Variants in TACC2 observed in about 807,000 individuals in gnomAD.
TACC2 encodes transforming acidic coiled-coil containing protein 2.
Under a neutral mutation model 227.3 loss-of-function variants are expected in TACC2, and 137 were observed. The observed-to-expected ratio is 0.60, with a 90% CI of 0.52 to 0.69. TACC2 has a LOEUF of 0.69. Among genes scored for constraint, TACC2 ranks in the 30% least tolerant of loss-of-function variants. The pLI is 0.00. For missense variants in TACC2, 3,470 were observed against 3,694.4 expected (o/e 0.94, Z 1.57); for synonymous variants, 1,523 against 1,487.5 (o/e 1.02, Z -0.55).
In TACC2 at chr10:122,205,755, T is replaced by A. The variant is rs1279462239; in HGVS notation, c.5972-4642T>A. Among the ~76,000 whole-genome samples the A allele has an allele frequency of 6.6e-6, 1 of 152,258 alleles. No homozygotes were observed. The highest frequency in any genetic ancestry group is 1.9e-4 in the East Asian group (1 of 5,170). ...GCGGAGTCTGGGGTTTTAATGAGTG[T>A]CTCAGGTGTGTCTTAGGCTAGACAA... On this transcript the variant is annotated intron_variant, in intron 8 of 22. Coordinates refer to ENST00000369005, the MANE Select transcript of TACC2 (RefSeq NM_206862.4). This position sits in a 1 kb window ranked among gnomAD's most constrained non-coding sequence, Gnocchi z 4.5.
At chr10:122,238,082 C>CCT in intron 18 of TACC2, 45 bp downstream of exon 18, 1 of 1,512,526 alleles carries the variant, frequency 6.6e-7, no homozygotes, top group Non-Finnish European at 9.2e-7. Context: ...GGGATACTTA[C>CCT]CTGTGGTTTA....
At chr10:122,099,071 C>T (rs969791183) in intron 5 of TACC2, among the ~76,000 whole-genome samples, 1 of 152,154 alleles carries the variant, frequency 6.6e-6, no homozygotes, top group African/African-American at 2.4e-5. Flanking sequence ...CTGAGCACAT[C>T]TCATGGGACA....
intron 1 of TACC2, among the ~76,000 whole-genome samples, chr10:121,989,752 TTA>T (rs1491418730): frequency 0.014 from 1,566 of 109,748 alleles, 29 homozygotes; most frequent in African/African-American, 0.04. Flanking sequence ...TAAATTAATT[TTA>T]TTTTTTTTTT....
chr10:122,162,723 G>A (rs909573827), intron 7 of TACC2, among the ~76,000 whole-genome samples: 13 of 152,206 alleles, frequency 8.5e-5, no homozygotes, highest in African/African-American at 3.1e-4. Flanking sequence ...CATGCTGCCA[G>A]CTACAGAATG....
At position 122,248,741 on chromosome 10, in the gene TACC2, T is replaced by C; in HGVS notation, c.8491T>C (p.Ser2831Pro). 1.2e-6 allele frequency: 2 copies of C among 1,614,024 alleles called. No homozygotes were observed. Among genetic ancestry groups the C allele is most frequent in the Non-Finnish European group, 1.7e-6 (2 of 1,180,024 alleles). Residue 2831 changes from serine (S) to proline (P), a missense_variant, in exon 20 of 23, where the codon TCT becomes CCT. Coordinates refer to ENST00000369005, the MANE Select transcript of TACC2 (RefSeq NM_206862.4). ...GGCCGACCTGAACTCCGTGGAGAAG[T>C]CTCTGGCCGACCTCTTCAGAAGATA... Reference protein sequence around the residue: ...ALADLNSVEKSLADLFRRYEK... With the variant: ...ALADLNSVEKPLADLFRRYEK...
In TACC2 at chr10:122,205,835, A is replaced by C. The variant is rs1304432630; in HGVS notation, c.5972-4562A>C. ...TTGCTCTGAGCTACCCACAGCAACC[A>C]GCAAACTGCCACAGAAAGACCAAGT... On this transcript the variant is annotated intron_variant, in intron 8 of 22. Transcript: ENST00000369005. This position sits in a 1 kb window ranked among gnomAD's most constrained non-coding sequence, Gnocchi z 4.5. Among the ~76,000 whole-genome samples the C allele has an allele frequency of 6.6e-6, 1 of 152,238 alleles. No homozygotes were observed. Among genetic ancestry groups the C allele is most frequent in the Non-Finnish European group, 1.5e-5 (1 of 68,034 alleles).
chr10:122,088,203 T>TA (rs771726614), intron 4 of TACC2, among the ~76,000 whole-genome samples: 8 of 152,356 alleles, frequency 5.3e-5, no homozygotes, highest in Non-Finnish European at 1.0e-4. Flanking sequence ...TTAATTCATC[T>TA]AACTTAAACC....
Position 122,132,082 on chromosome 10 carries a change from G to GAAAGAAAGAAAGAAAGAAAGAAAGAA in TACC2, c.5574-526_5574-525insAAGAAAGAAAGAAAGAAAGAAAGAAA, listed in dbSNP as rs138785067. Among the ~76,000 whole-genome samples the GAAAGAAAGAAAGAAAGAAAGAAAGAA allele has an allele frequency of 1.3e-3, 173 of 136,074 alleles. 6 individuals are homozygous for GAAAGAAAGAAAGAAAGAAAGAAAGAA. The highest frequency in any genetic ancestry group is 4.8e-3 in the African/African-American group (162 of 33,914). The allele number at this position is 136,074 out of a possible 152,430, so 89.3% of individuals were successfully genotyped here. Reference sequence around the variant, plus strand: ...AAAGAAAGAAAAAGAAAGAAAGAAAGAGAAAGATCTACAAAGGTTTCTAAA... The same window carrying GAAAGAAAGAAAGAAAGAAAGAAAGAA: ...AAAGAAAGAAAAAGAAAGAAAGAAAGAAAGAAAGAAAGAAAGAAAGAAAGAAAGAAAGATCTACAAAGGTTTCTAAA... On this transcript the variant is annotated intron_variant, in intron 5 of 22. Coordinates refer to ENST00000369005, the MANE Select transcript of TACC2 (RefSeq NM_206862.4).
At chr10:122,176,057 A>G (rs556605520) in intron 7 of TACC2, among the ~76,000 whole-genome samples, 4 of 148,054 alleles carry the variant, frequency 2.7e-5, no homozygotes, top group Admixed American at 1.4e-4. Flanking sequence ...TCTAACCTGA[A>G]CAACAGAGCA....
intron 7 of TACC2, among the ~76,000 whole-genome samples, chr10:122,174,683 G>A (rs2093626563): frequency 6.6e-6 from 1 of 151,950 alleles, no homozygotes; most frequent in African/African-American, 2.4e-5. Context: ...TCCTTTTTGT[G>A]TGTGTAGAAT....
chr10:122,105,539 G>T (rs2082653173), intron 5 of TACC2, among the ~76,000 whole-genome samples: 1 of 151,982 alleles, frequency 6.6e-6, no homozygotes, highest in South Asian at 2.1e-4. Context: ...TGTACCTGGT[G>T]TCTGCTGGTG....
chr10:122,143,561 T>C lies in TACC2; in HGVS notation c.5700-11T>C, dbSNP rs777860410. On this transcript the variant is annotated splice_polypyrimidine_tract_variant and intron_variant, in intron 6 of 22. Coordinates refer to ENST00000369005, the MANE Select transcript of TACC2 (RefSeq NM_206862.4). ...GCACCATGTGGAATAATTCCCTCAT[T>C]GTGTCCCCAGCATCTCCCCAGCTGC... 4 of 1,613,362 alleles carry C rather than the reference T, an allele frequency of 2.5e-6. No homozygotes were observed. In the East Asian group the frequency reaches 8.9e-5, roughly 36 times the overall value.
At chr10:122,107,423 T>A (rs2082945888) in intron 5 of TACC2, among the ~76,000 whole-genome samples, 2 of 152,028 alleles carry the variant, frequency 1.3e-5, no homozygotes, top group Admixed American at 1.3e-4. Context: ...ACCCCGTCTC[T>A]ACTAAAAATA....
Position 122,209,376 on chromosome 10 carries a change from G to A in TACC2, c.5972-1021G>A, listed in dbSNP as rs2095231696. Among the ~76,000 whole-genome samples the A allele has an allele frequency of 6.6e-6, 1 of 152,292 alleles. No individual in the cohort carries two copies. The highest frequency in any genetic ancestry group is 1.9e-4 in the East Asian group (1 of 5,178). On this transcript the variant is annotated intron_variant, in intron 8 of 22. Coordinates refer to ENST00000369005, the MANE Select transcript of TACC2 (RefSeq NM_206862.4). This position sits in a 1 kb window ranked among gnomAD's most constrained non-coding sequence, Gnocchi z 4.5. ...AGTATGAATATTTATGGAAGCCTCC[G>A]TATGCCTTCCTGCAGGATTTCTCTG...
At chr10:122,076,717 A>C (rs1316228030) in intron 3 of TACC2, among the ~76,000 whole-genome samples, 2 of 152,134 alleles carry the variant, frequency 1.3e-5, no homozygotes, top group African/African-American at 2.4e-5. Context: ...ATTAAAAAAA[A>C]AAAAAGTACT....
intron 5 of TACC2, among the ~76,000 whole-genome samples, chr10:122,092,466 T>A (rs1046912112): frequency 1.3e-5 from 2 of 152,220 alleles, no homozygotes; most frequent in Non-Finnish European, 2.9e-5. Context: ...GGATTGAATT[T>A]TGAAGATTCT....
At position 122,194,995 on chromosome 10, in the gene TACC2, G is replaced by C; in HGVS notation, c.5835-45G>C. The C allele has an allele frequency of 6.4e-7, 1 of 1,562,268 alleles. No individual in the cohort carries two copies. The highest frequency in any genetic ancestry group is 8.7e-7 in the Non-Finnish European group (1 of 1,150,484). ...AAGGCCACACCGGCTCAGCAGAACT[G>C]GCTCTGGGCCCCTGTCTAACCTGTG... On this transcript the variant is annotated intron_variant, in intron 7 of 22. Transcript: ENST00000369005. The surrounding 1 kb of genome is among the most constrained non-coding windows in gnomAD (Gnocchi z 4.4).
chr10:122,162,671 C>T (rs1185509003), intron 7 of TACC2, among the ~76,000 whole-genome samples: 2 of 152,192 alleles, frequency 1.3e-5, no homozygotes, highest in African/African-American at 4.8e-5. Flanking sequence ...GTTTCTGAGC[C>T]TGCCATAGGC....
At chr10:122,126,443 G>A (rs11200420) in intron 5 of TACC2, among the ~76,000 whole-genome samples, 92,104 of 151,062 alleles carry the variant, frequency 0.61, 32,533 homozygotes, top group Non-Finnish European at 0.77. Flanking sequence ...AAGTAGGTAC[G>A]TGTATGTACA....
Sources: gnomAD v4.1 joint callset for allele counts (sites outside exome capture counted in the v4.1 genomes callset) on GRCh38, gnomAD v4.1.1 for gene constraint, Gnocchi (gnomAD v3.1) non-coding constraint, MANE v1.5 for transcripts, NCBI Gene and HGNC (gene_info 2026-07-23, HGNC 2026-07-21) for gene names.